DMD: variants seen among roughly 807,000 people sequenced by gnomAD.
DMD encodes mutant dystrophin.
A neutral mutation model predicts 330.1 loss-of-function variants in DMD; 63 were observed. The observed-to-expected ratio is 0.19, with a 90% CI of 0.16 to 0.24. The LOEUF (loss-of-function observed/expected upper bound fraction) is 0.24. Among genes scored for constraint, DMD ranks in the 10% least tolerant of loss-of-function variants. The pLI is 1.00. For synonymous variants in DMD, 1,223 were observed against 959.8 expected, an observed-to-expected ratio of 1.27 and a Z score of -5.07; for missense variants, 3,344 against 2,684.1, an observed-to-expected ratio of 1.25 and a Z score of -5.43.
intron 29 of DMD, chrX:32,412,155 C>A (rs1396179023): frequency 1.8e-6 from 2 of 1,130,721 alleles, no homozygotes; most frequent in African/African-American, 1.8e-5. Context: ...ATCACAATAT[C>A]ACGTACATTA....
chrX:32,883,846 A>AAAAAAAGAAAAGAAAAG (rs2084251414), intron 2 of DMD, among the ~76,000 whole-genome samples: 10 of 101,962 alleles, frequency 9.8e-5, no homozygotes, highest in African/African-American at 3.7e-4. Context: ...AAAAAAAAAA[A>AAAAAAAGAAAAGAAAAG]AAAAAGAAAA....
At chrX:31,622,467 T>C (rs1264135436) in intron 55 of DMD, among the ~76,000 whole-genome samples, 3 of 111,736 alleles carry the variant, frequency 2.7e-5, no homozygotes, top group Admixed American at 1.9e-4. Context: ...ATTAAAGTGA[T>C]TATACAACCC....
intron 77 of DMD, among the ~76,000 whole-genome samples, chrX:31,128,221 T>C (rs1421733961): frequency 8.9e-6 from 1 of 112,101 alleles, no homozygotes; most frequent in Non-Finnish European, 1.9e-5. Context: ...ATTAATTCCC[T>C]TCCCCTGTAA....
chrX:32,653,120 A>C (rs36192539), intron 9 of DMD, among the ~76,000 whole-genome samples: 8,182 of 111,511 alleles, frequency 0.073, 717 homozygotes, highest in African/African-American at 0.25. Context: ...CCTGTTCACT[A>C]TGATGGTAGT....
At chrX:32,472,059 C>T (rs2040691682) in intron 22 of DMD, 105 bp downstream of exon 22, 1 of 1,016,519 alleles carries the variant, frequency 9.8e-7, no homozygotes, top group Admixed American at 2.2e-5. Context: ...GGCAAACTAC[C>T]ATACTTGTCA....
chrX:31,657,485 G>A (rs1344464183), intron 54 of DMD, among the ~76,000 whole-genome samples: 1 of 111,709 alleles, frequency 9.0e-6, no homozygotes, highest in Non-Finnish European at 1.9e-5. Flanking sequence ...GTCTATAAGC[G>A]CTGTTAATTT....
chrX:32,512,417 T>C (rs1306454303), intron 18 of DMD, among the ~76,000 whole-genome samples: 1 of 112,337 alleles, frequency 8.9e-6, no homozygotes, highest in African/African-American at 3.2e-5. Flanking sequence ...ATCCTTCATA[T>C]TGGTAATAGA....
intron 1 of DMD, among the ~76,000 whole-genome samples, chrX:33,056,543 G>T (rs1413162137): frequency 1.8e-5 from 2 of 109,104 alleles, no homozygotes; most frequent in Non-Finnish European, 3.8e-5. Context: ...TGTATTTTTA[G>T]TAGAGACGGG....
At chrX:31,301,910 G>T (rs1397284489) in intron 62 of DMD, among the ~76,000 whole-genome samples, 3 of 111,794 alleles carry the variant, frequency 2.7e-5, no homozygotes, top group African/African-American at 6.5e-5. Context: ...GGAAGGGAAA[G>T]AAATAATTGT....
intron 62 of DMD, among the ~76,000 whole-genome samples, chrX:31,323,370 C>T (rs964662273): frequency 1.8e-5 from 2 of 112,148 alleles, no homozygotes; most frequent in Admixed American, 1.9e-4. Flanking sequence ...ACAAAACACA[C>T]CATATATCCT....
At chrX:31,225,068 G>A (rs754822859) in intron 63 of DMD, among the ~76,000 whole-genome samples, 2 of 112,633 alleles carry the variant, frequency 1.8e-5, no homozygotes, top group East Asian at 5.6e-4. Flanking sequence ...TTACACGAGT[G>A]TATACATTTG....
At chrX:32,303,900 T>C (rs1323786823) in intron 42 of DMD, among the ~76,000 whole-genome samples, 3 of 110,780 alleles carry the variant, frequency 2.7e-5, no homozygotes, top group Non-Finnish European at 5.7e-5. Context: ...GGAACTGTGT[T>C]CAATCAAAAG....
rs1008514760 is a variant in DMD at position 32,563,354 on chromosome X, A to G, written c.1992+2348T>C. Among the ~76,000 whole-genome samples, 217 of 107,114 alleles carry G rather than the reference A, an allele frequency of 2.0e-3. 2 individuals are homozygous for G. Among genetic ancestry groups the G allele is most frequent in the Admixed American group, 3.4e-3 (34 of 9,905 alleles). 93.0% of individuals were successfully genotyped at this position (107,114 alleles called of 115,157 possible). ...TGAGACTCCATCTCAAAAAAAAAAA[A>G]AAAAAAAAAAGCAGATAGAGAACCA... On this transcript the variant is annotated intron_variant, in intron 16 of 78. Coordinates refer to ENST00000357033, the MANE Select transcript of DMD (RefSeq NM_004006.3).
intron 55 of DMD, among the ~76,000 whole-genome samples, chrX:31,570,678 G>T (rs2075761092): frequency 1.7e-5 from 1 of 57,689 alleles, no homozygotes; most frequent in Admixed American, 2.3e-4. Context: ...TAACTTAATA[G>T]GATTGTTTAT....
At chrX:32,180,558 C>T (rs2096923790) in intron 44 of DMD, among the ~76,000 whole-genome samples, 1 of 111,441 alleles carries the variant, frequency 9.0e-6, no homozygotes, top group Non-Finnish European at 1.9e-5. Context: ...GCTCTGGATC[C>T]GTTCAAGCAT....
At chrX:31,497,035 T>C (rs1321365587) in intron 56 of DMD, 91 bp from the exon 57 acceptor site, 3 of 1,040,357 alleles carry the variant, frequency 2.9e-6, no homozygotes, top group African/African-American at 1.9e-5. Context: ...AATAAACCTA[T>C]TGTGAACTAC....
chrX:32,474,026 T>C (rs1603634345), intron 21 of DMD, among the ~76,000 whole-genome samples: 1 of 110,738 alleles, frequency 9.0e-6, no homozygotes, highest in Non-Finnish European at 1.9e-5. Flanking sequence ...ATCATTCTAA[T>C]GCCTGTGTGT....
intron 7 of DMD, among the ~76,000 whole-genome samples, chrX:32,780,933 TA>T (rs773775820): frequency 0.086 from 8,444 of 97,850 alleles, 962 homozygotes; most frequent in African/African-American, 0.3. Flanking sequence ...CTACTAAAAA[TA>T]AAAAAAAAAT....
chrX:33,161,794 TCAA>T (rs1302416585), intron 1 of DMD, among the ~76,000 whole-genome samples: 2 of 111,877 alleles, frequency 1.8e-5, no homozygotes, highest in African/African-American at 3.2e-5. Flanking sequence ...TCTTCCTTAG[TCAA>T]CAACATTTAA....
Sources: gnomAD v4.1 joint callset for allele counts (sites outside exome capture counted in the v4.1 genomes callset) on GRCh38, gnomAD v4.1.1 for gene constraint, MANE v1.5 for transcripts, NCBI Gene and HGNC (gene_info 2026-07-23, HGNC 2026-07-21) for gene names.